CLASP2: variants seen among roughly 807,000 people sequenced by gnomAD.
CLASP2 encodes the protein cytoplasmic linker associated protein 2, also known as CLIP-associating protein 2.
Under a neutral mutation model 194.4 loss-of-function variants are expected in CLASP2, and 47 were observed. The observed-to-expected ratio is 0.24, with a 90% CI of 0.19 to 0.31. CLASP2 has a LOEUF of 0.31. Ranked by LOEUF, CLASP2 falls within the 10% of genes least tolerant of loss-of-function variation. CLASP2 has a pLI of 1.00. For missense variants in CLASP2, 1,445 were observed against 1,823.6 expected (o/e 0.79, Z 3.78); for synonymous variants, 619 against 633.5 (o/e 0.98, Z 0.34).
chr3:33,551,533 G>A, intron 29 of CLASP2, 138 bp from the exon 30 acceptor site: 1 of 788,230 alleles, frequency 1.3e-6, no homozygotes, highest in Non-Finnish European at 1.9e-6. Flanking sequence ...TGGCAAGGTT[G>A]GTCTTGCGCT....
At chr3:33,573,487 C>T (rs916216655) in intron 24 of CLASP2, 133 bp from the exon 25 acceptor site, 8 of 898,530 alleles carry the variant, frequency 8.9e-6, no homozygotes, top group South Asian at 8.7e-5. Context: ...ATTGTAATAA[C>T]AGAATGTCAG....
At chr3:33,585,297 T>C (rs564467529) in intron 21 of CLASP2, among the ~76,000 whole-genome samples, 1 of 152,354 alleles carries the variant, frequency 6.6e-6, no homozygotes, top group African/African-American at 2.4e-5. Flanking sequence ...ATAAGCTATA[T>C]ACAGTCATAT....
chr3:33,577,303 C>T, intron 23 of CLASP2: 1 of 1,530,744 alleles, frequency 6.5e-7, no homozygotes, highest in East Asian at 2.3e-5. Context: ...TCTATTACCA[C>T]AGAAACAAGG....
rs186819959 is a variant in CLASP2, at chr3:33,601,084, G to A, written c.1924+1868C>T. The stretch of plus-strand genomic sequence containing the variant: ...CGCCATTCTCCTGCCTCAGCCTCCC[G>A]AGTAGCTGGGACTACAGGCGCTCGC... On this transcript the variant is annotated intron_variant, in intron 18 of 38. Transcript: ENST00000682230. Among the ~76,000 whole-genome samples the A allele has an allele frequency of 8.5e-3, 1,268 of 149,008 alleles. 19 individuals carry two copies. The highest frequency in any genetic ancestry group is 0.028 in the African/African-American group (1,143 of 40,368).
chr3:33,549,517 T>TA (rs1316409932), intron 30 of CLASP2, among the ~76,000 whole-genome samples: 1 of 152,136 alleles, frequency 6.6e-6, no homozygotes, highest in East Asian at 1.9e-4. Flanking sequence ...GTGAGCTGTT[T>TA]GTGGGTTTTC....
At chr3:33,618,198 T>C (rs1156703580) in intron 12 of CLASP2, among the ~76,000 whole-genome samples, 1 of 151,974 alleles carries the variant, frequency 6.6e-6, no homozygotes, top group African/African-American at 2.4e-5. Context: ...TCCGCCTGCC[T>C]TGGCCTCCCA....
At position 33,619,755 on chromosome 3, in the gene CLASP2, A is replaced by G; in HGVS notation, c.1182-17T>C. On this transcript the variant is annotated splice_polypyrimidine_tract_variant and intron_variant, in intron 11 of 38. Transcript: ENST00000682230. ...GAAAGGTGGCTACAAAGGAAGACAA[A>G]AAGTATTTTTTAATAGTTTAACATT... 41 of 1,559,906 alleles carry G rather than the reference A, an allele frequency of 2.6e-5. No homozygotes were observed. The highest frequency in any genetic ancestry group is 3.5e-5 in the Non-Finnish European group (40 of 1,155,306).
chr3:33,705,534 A>G (rs2092635278), intron 1 of CLASP2, among the ~76,000 whole-genome samples: 1 of 152,214 alleles, frequency 6.6e-6, no homozygotes, highest in Admixed American at 6.5e-5. Flanking sequence ...CAAATGAGTG[A>G]ATTATACAGA....
At chr3:33,665,005 G>A (rs2085937183) in intron 6 of CLASP2, among the ~76,000 whole-genome samples, 1 of 152,000 alleles carries the variant, frequency 6.6e-6, no homozygotes, top group Non-Finnish European at 1.5e-5. Flanking sequence ...GGAGGCTGAG[G>A]CACAAGAATC....
At chr3:33,710,424 T>A (rs2092942905) in intron 1 of CLASP2, among the ~76,000 whole-genome samples, 1 of 152,134 alleles carries the variant, frequency 6.6e-6, no homozygotes, top group Admixed American at 6.5e-5. Flanking sequence ...AAAACATAAT[T>A]TTTAAAGGCA....
At chr3:33,694,267 G>A (rs2091646248) in intron 2 of CLASP2, among the ~76,000 whole-genome samples, 1 of 152,156 alleles carries the variant, frequency 6.6e-6, no homozygotes, top group South Asian at 2.1e-4. Context: ...CAGCTTAAGA[G>A]AATTAAGTTC....
At chr3:33,638,945 T>C (rs772774355) in intron 8 of CLASP2, among the ~76,000 whole-genome samples, 5 of 152,196 alleles carry the variant, frequency 3.3e-5, no homozygotes, top group Admixed American at 6.5e-5. Flanking sequence ...TCAAAAAGTA[T>C]AGGCAAATAA....
intron 6 of CLASP2, among the ~76,000 whole-genome samples, chr3:33,674,582 A>G (rs2088113031): frequency 6.6e-6 from 1 of 152,068 alleles, no homozygotes. Context: ...AAATAACTAA[A>G]ATCAGAGCAA....
At chr3:33,684,551 G>T in intron 5 of CLASP2, 95 bp from the exon 6 acceptor site, 1 of 721,050 alleles carries the variant, frequency 1.4e-6, no homozygotes. Flanking sequence ...CCAACTTGAA[G>T]CTCTAAGTGG....
chr3:33,592,235 T>C (rs1385696264), intron 21 of CLASP2, 160 bp downstream of exon 21: 7 of 713,568 alleles, frequency 9.8e-6, no homozygotes, highest in South Asian at 8.9e-5. Context: ...CAGGTGATGA[T>C]GAACCTAAAG....
chr3:33,685,605 G>A (rs899004219), intron 5 of CLASP2, among the ~76,000 whole-genome samples: 4 of 152,038 alleles, frequency 2.6e-5, no homozygotes, highest in East Asian at 3.8e-4. Flanking sequence ...ATATACACAC[G>A]ATGGAATATT....
At chr3:33,553,982 T>G (rs1396633908) in intron 29 of CLASP2, among the ~76,000 whole-genome samples, 1 of 152,044 alleles carries the variant, frequency 6.6e-6, no homozygotes, top group African/African-American at 2.4e-5. Flanking sequence ...ATCCCAGCAC[T>G]TTGAAAGGCT....
intron 1 of CLASP2, among the ~76,000 whole-genome samples, chr3:33,708,161 G>A (rs1266332416): frequency 6.6e-6 from 1 of 151,862 alleles, no homozygotes; most frequent in African/African-American, 2.4e-5. Context: ...TAGGTTTCCA[G>A]AACTTACTCA....
At chr3:33,712,226 G>C (rs2093047423) in intron 1 of CLASP2, among the ~76,000 whole-genome samples, 1 of 152,182 alleles carries the variant, frequency 6.6e-6, no homozygotes, top group East Asian at 1.9e-4. Context: ...ACTTGGATGA[G>C]CTGGAGGCCA....
Sources: gnomAD v4.1 joint callset for allele counts (sites outside exome capture counted in the v4.1 genomes callset) on GRCh38, gnomAD v4.1.1 for gene constraint, MANE v1.5 for transcripts, NCBI Gene and HGNC (gene_info 2026-07-23, HGNC 2026-07-21) for gene names.